The following MED13 variants were observed in gnomAD, a reference collection of about 807,000 sequenced individuals.
MED13 encodes mediator of RNA polymerase II transcription subunit 13.
In MED13, 23 loss-of-function variants were observed where a neutral mutation model predicts 225.2. The observed-to-expected ratio is 0.10, with a 90% CI of 0.07 to 0.14. MED13 has a LOEUF of 0.14. Among genes scored for constraint, MED13 ranks in the 10% least tolerant of loss-of-function variants. The pLI, the probability that MED13 is intolerant of heterozygous loss-of-function variation, is 1.00. For synonymous variants in MED13, 942 were observed against 889.2 expected (o/e 1.06, Z -1.06); for missense variants, 2,197 against 2,594.5 (o/e 0.85, Z 3.33).
chr17:61,952,134 C>T (rs2079901979), intron 27 of MED13, among the ~76,000 whole-genome samples: 1 of 152,068 alleles, frequency 6.6e-6, no homozygotes, highest in African/African-American at 2.4e-5. Context: ...ACCTCGTGAT[C>T]CGCCTGCCTC....
At chr17:62,002,020 T>C (rs2080399509) in intron 9 of MED13, among the ~76,000 whole-genome samples, 1 of 152,110 alleles carries the variant, frequency 6.6e-6, no homozygotes, top group Admixed American at 6.5e-5. Context: ...ACTCAAAGAA[T>C]GGAAAAATAA....
intron 3 of MED13, among the ~76,000 whole-genome samples, chr17:62,038,604 G>A (rs1028606157): frequency 6.6e-6 from 1 of 151,998 alleles, no homozygotes; most frequent in African/African-American, 2.4e-5. Context: ...GTTTACTCTA[G>A]TATGTATAAA....
chr17:62,048,636 C>T (rs917470838), intron 3 of MED13, among the ~76,000 whole-genome samples: 7 of 152,036 alleles, frequency 4.6e-5, no homozygotes, highest in Non-Finnish European at 1.0e-4. Flanking sequence ...ACCTCCAAAC[C>T]TCCTTTCCCC....
chr17:62,014,470 C>G (rs2080543753), intron 8 of MED13, among the ~76,000 whole-genome samples: 1 of 152,114 alleles, frequency 6.6e-6, no homozygotes, highest in Non-Finnish European at 1.5e-5. Flanking sequence ...GTGCCCGCCA[C>G]CACACTGGGC....
Position 62,029,623 on chromosome 17 carries a change from G to A in MED13, c.1201C>T (p.Leu401=), listed in dbSNP as rs374093483. The change falls in exon 8 of 30, where the codon CTA becomes TTA. Residue 401 remains leucine (L), a synonymous_variant. Coordinates refer to ENST00000397786, the MANE Select transcript of MED13 (RefSeq NM_005121.3). ...KRKYSASSGG[L]CEEATAAKVA... is the part of the protein sequence containing the mutation. Reference sequence around the variant, plus strand: ...TTAGCAGCTGTCGCTTCTTCGCATAGACCACCTGATGAAGCAGAATACTTC... The same window carrying A: ...TTAGCAGCTGTCGCTTCTTCGCATAAACCACCTGATGAAGCAGAATACTTC... 29 of 1,613,866 alleles carry A rather than the reference G, an allele frequency of 1.8e-5. No individual in the cohort carries two copies. Among genetic ancestry groups the A allele is most frequent in the African/African-American group, 2.7e-5 (2 of 74,920 alleles).
chr17:62,046,936 G>C (rs1210842248), intron 3 of MED13, among the ~76,000 whole-genome samples: 1 of 151,454 alleles, frequency 6.6e-6, no homozygotes, highest in Admixed American at 6.6e-5. Flanking sequence ...ACTCAATGCA[G>C]CCTCAATCTT....
At chr17:61,974,018 C>T (rs957292328) in intron 16 of MED13, among the ~76,000 whole-genome samples, 25 of 152,056 alleles carry the variant, frequency 1.6e-4, no homozygotes, top group South Asian at 4.2e-4. Flanking sequence ...AAAAAGTGTA[C>T]GGAACTAGAT....
chr17:62,014,568 C>T (rs369245174), intron 8 of MED13, among the ~76,000 whole-genome samples: 1 of 152,258 alleles, frequency 6.6e-6, no homozygotes, highest in East Asian at 1.9e-4. Context: ...CTACCCACCT[C>T]GGCCTCCCAA....
rs369132310 is a variant in MED13 at position 62,029,760 on chromosome 17, TCAAA to T, written c.1172+87_1172+90del. ...ATCAACATTATGAGTTAAAGAAAAA[TCAAA>T]CAAATGACTGTTTATACTTTAGATA... On this transcript the variant is annotated intron_variant, in intron 7 of 29. Coordinates refer to ENST00000397786, the MANE Select transcript of MED13 (RefSeq NM_005121.3). 1.6e-4 allele frequency: 241 copies of T among 1,511,746 alleles called. 2 individuals are homozygous for T. In the African/African-American group the frequency reaches 2.6e-3, roughly 16 times the overall value. 93.6% of individuals were successfully genotyped at this position (1,511,746 alleles called of 1,614,324 possible).
Position 62,034,767 on chromosome 17 carries a change from A to C in MED13, c.616+696T>G, listed in dbSNP as rs542353195. Among the ~76,000 whole-genome samples, 3 of 152,324 alleles carry C rather than the reference A, an allele frequency of 2.0e-5. No homozygotes were observed. In the South Asian group the frequency reaches 6.2e-4, roughly 32 times the overall value. Reference sequence around the variant, plus strand: ...AATCTTATAAAATATTTCTTCTAGAATTCAACTTTTTTCATAGTATAAATA... The same window carrying C: ...AATCTTATAAAATATTTCTTCTAGACTTCAACTTTTTTCATAGTATAAATA... On this transcript the variant is annotated intron_variant, in intron 4 of 29. Transcript: ENST00000397786.
intron 10 of MED13, among the ~76,000 whole-genome samples, chr17:61,994,437 G>C (rs1364713455): frequency 6.6e-6 from 1 of 152,058 alleles, no homozygotes; most frequent in African/African-American, 2.4e-5. Flanking sequence ...TAGGTGCACT[G>C]TAAGTTCCTG....
In MED13 at chr17:61,955,814, C is replaced by T. The variant is rs1489188986; in HGVS notation, c.5648G>A (p.Arg1883Gln). 2.1e-6 allele frequency: 3 copies of T among 1,436,470 alleles called. No homozygotes were observed. Among genetic ancestry groups the T allele is most frequent in the Admixed American group, 2.1e-5 (1 of 48,496 alleles). The allele number at this position is 1,436,470 out of a possible 1,614,324, so 89.0% of individuals were successfully genotyped here. A position where few individuals can be genotyped will look rare whatever the true frequency, so the allele number is the denominator to read the frequency against. ...CCTTTTACTTAGAGACTGCAAGTTTCGACGACTCAGCAAACAGCTCCAATC... is the reference window on the plus strand; with the variant it reads ...CCTTTTACTTAGAGACTGCAAGTTTTGACGACTCAGCAAACAGCTCCAATC... Reference protein sequence around the residue: ...LKDWSCLLSRRNLQSLSKRLK... With the variant: ...LKDWSCLLSRQNLQSLSKRLK... Residue 1883 changes from arginine to glutamine, a missense_variant, in exon 25 of 30, where the codon CGA becomes CAA. Arg to Gln is a conservative substitution (Grantham distance 43, BLOSUM62 1). Transcript: ENST00000397786.
chr17:61,953,528 C>T (rs2079914785), intron 26 of MED13, among the ~76,000 whole-genome samples: 1 of 152,158 alleles, frequency 6.6e-6, no homozygotes, highest in Admixed American at 6.5e-5. Context: ...ATACTGCTGG[C>T]ATCCAGGATA....
At chr17:62,003,472 G>T (rs1371622403) in intron 9 of MED13, among the ~76,000 whole-genome samples, 1 of 151,932 alleles carries the variant, frequency 6.6e-6, no homozygotes, top group East Asian at 1.9e-4. Context: ...AGGCGTGATG[G>T]TGCATGCCTG....
intron 16 of MED13, among the ~76,000 whole-genome samples, chr17:61,980,049 T>C (rs1215816141): frequency 6.6e-6 from 1 of 151,894 alleles, no homozygotes; most frequent in Non-Finnish European, 1.5e-5. Context: ...ATTAGCCGGG[T>C]GTGGTGGCGT....
intron 2 of MED13, among the ~76,000 whole-genome samples, chr17:62,062,020 T>C (rs529823529): frequency 3.3e-5 from 5 of 152,262 alleles, no homozygotes; most frequent in East Asian, 1.9e-4. Flanking sequence ...TTGGTCTTAC[T>C]AAGTACCAGT....
rs1469535612 is a variant in MED13 at position 61,983,127 on chromosome 17, G to T, written c.2889-13C>A. The T allele has an allele frequency of 1.3e-6, 2 of 1,562,588 alleles. No homozygotes were observed. The highest frequency in any genetic ancestry group is 2.3e-5 in the East Asian group (1 of 44,252). On this transcript the variant is annotated splice_polypyrimidine_tract_variant and intron_variant, in intron 15 of 29. Coordinates refer to ENST00000397786, the MANE Select transcript of MED13 (RefSeq NM_005121.3). ...ATTACTTCCATCACTATCATCACCAGGGTAAAAGAAGATCAAATATATATA... is the reference window on the plus strand; with the variant it reads ...ATTACTTCCATCACTATCATCACCATGGTAAAAGAAGATCAAATATATATA...
chr17:62,000,447 CGA>C (rs2080384548), intron 9 of MED13, among the ~76,000 whole-genome samples: 1 of 152,128 alleles, frequency 6.6e-6, no homozygotes, highest in Non-Finnish European at 1.5e-5. Context: ...CACATGTTTA[CGA>C]TGTACTCACA....
intron 23 of MED13, 123 bp from the exon 24 acceptor site, chr17:61,956,604 T>C (rs1217507898): frequency 3.2e-6 from 3 of 935,600 alleles, no homozygotes; most frequent in South Asian, 3.7e-5. Context: ...AGTGGTGCGA[T>C]CTCGGCTCAC....
Sources: allele counts gnomAD v4.1 joint callset (sites outside exome capture counted in the v4.1 genomes callset), GRCh38; gene constraint gnomAD v4.1.1; transcripts MANE v1.5; gene names NCBI Gene and HGNC (gene_info 2026-07-23, HGNC 2026-07-21).